The following DIRAS2 variants were observed in gnomAD, a reference collection of about 807,000 sequenced individuals.
DIRAS2 encodes the protein GTP-binding protein Di-Ras2.
DIRAS2 carries 5 observed loss-of-function variants against 13.9 expected under a neutral mutation model. The observed-to-expected ratio is 0.36, with a 90% CI of 0.19 to 0.76. The LOEUF (loss-of-function observed/expected upper bound fraction) is 0.76, where lower values mean the gene tolerates loss of function less well. DIRAS2 is among the 30% of genes least tolerant of loss of function. The probability of loss-of-function intolerance (pLI) is 0.53; values close to 1 mark genes in which losing one functional copy is unlikely to be tolerated. For missense variants in DIRAS2, 191 were observed against 263.0 expected, an observed-to-expected ratio of 0.73 and a Z score of 1.89; for synonymous variants, 111 against 105.4, an observed-to-expected ratio of 1.05 and a Z score of -0.33.
At chr9:90,626,664 C>A (rs1825272629) in intron 1 of DIRAS2, among the ~76,000 whole-genome samples, 1 of 152,120 alleles carries the variant, frequency 6.6e-6, no homozygotes, top group Admixed American at 6.5e-5. Flanking sequence ...AACTGAAACC[C>A]TTGTGCATTG....
At chr9:90,619,886 T>G (rs1350098254) in intron 1 of DIRAS2, among the ~76,000 whole-genome samples, 1 of 152,236 alleles carries the variant, frequency 6.6e-6, no homozygotes, top group Non-Finnish European at 1.5e-5. Flanking sequence ...TGGTACATAC[T>G]GCAACATGGA....
At chr9:90,623,457 A>T (rs1281827140) in intron 1 of DIRAS2, among the ~76,000 whole-genome samples, 1 of 150,390 alleles carries the variant, frequency 6.6e-6, no homozygotes, top group African/African-American at 2.5e-5. Flanking sequence ...AGCTAGAGGA[A>T]GGAAAGGATT....
At chr9:90,636,874 G>A (rs562315306) in intron 1 of DIRAS2, among the ~76,000 whole-genome samples, 3 of 152,100 alleles carry the variant, frequency 2.0e-5, no homozygotes, top group Admixed American at 1.3e-4. Context: ...AAAATATCAC[G>A]TCAAAAATGC....
In DIRAS2 at chr9:90,642,648, A is replaced by T. The variant is rs571856429; in HGVS notation, c.-37+104T>A. On this transcript the variant is annotated intron_variant, in intron 1 of 1. Transcript: ENST00000375765. Reference sequence around the variant, plus strand: ...AGTACACGCTGACTCGCCCTCCCTGAGAGCGGTAATCCCTTTCCAGGGGCT... The same window carrying T: ...AGTACACGCTGACTCGCCCTCCCTGTGAGCGGTAATCCCTTTCCAGGGGCT... 3 of 153,096 alleles carry T rather than the reference A, an allele frequency of 2.0e-5. No homozygotes were observed. In the East Asian group the frequency reaches 5.8e-4, roughly 30 times the overall value. The allele number at this position is 153,096 out of a possible 1,614,324, so 9.5% of individuals were successfully genotyped here.
intron 1 of DIRAS2, among the ~76,000 whole-genome samples, chr9:90,628,886 G>C (rs1053829540): frequency 6.7e-6 from 1 of 148,440 alleles, no homozygotes; most frequent in Non-Finnish European, 1.5e-5. Context: ...ACGGAGTCTC[G>C]TTCTGTCGCC....
rs1189276203 is a variant in DIRAS2, at chr9:90,612,703, G to C, written c.*525C>G. On this transcript the variant is annotated 3_prime_UTR_variant, in exon 2 of 2. Coordinates refer to ENST00000375765, the MANE Select transcript of DIRAS2 (RefSeq NM_017594.5). ...GGAATTAAGAACGGACACCCTTTGG[G>C]GGAGAGGCTGTGTTTTTTAATCCCC... The C allele has an allele frequency of 6.3e-6, 1 of 158,498 alleles. No individual in the cohort carries two copies. Among genetic ancestry groups the C allele is most frequent in the Non-Finnish European group, 1.4e-5 (1 of 71,810 alleles). The allele number at this position is 158,498 out of a possible 1,614,324, so 9.8% of individuals were successfully genotyped here. A position where few individuals can be genotyped will look rare whatever the true frequency, so the allele number is the denominator to read the frequency against.
At position 90,612,014 on chromosome 9, in the gene DIRAS2, T is replaced by G. The variant is rs544991875; in HGVS notation, c.*1214A>C. Reference sequence around the variant, plus strand: ...GTAATTTGGCTTGAAAGATTAAAGATGCACACAAAATCATTAAGAGAAAAA... The same window carrying G: ...GTAATTTGGCTTGAAAGATTAAAGAGGCACACAAAATCATTAAGAGAAAAA... On this transcript the variant is annotated 3_prime_UTR_variant, in exon 2 of 2. Coordinates refer to ENST00000375765, the MANE Select transcript of DIRAS2 (RefSeq NM_017594.5). 2.6e-5 allele frequency: 4 copies of G among 152,330 alleles called. No individual in the cohort carries two copies. Among genetic ancestry groups the G allele is most frequent in the Admixed American group, 2.0e-4 (3 of 15,282 alleles). 9.4% of individuals were successfully genotyped at this position (152,330 alleles called of 1,614,324 possible).
chr9:90,614,590 C>T (rs1013855350), intron 1 of DIRAS2, among the ~76,000 whole-genome samples: 1 of 152,046 alleles, frequency 6.6e-6, no homozygotes, highest in Non-Finnish European at 1.5e-5. Flanking sequence ...CAATGCCCAT[C>T]CCATAAGCTG....
In DIRAS2 at chr9:90,614,905, A is replaced by G. The variant is rs1271736684; in HGVS notation, c.-36-1042T>C. Among the ~76,000 whole-genome samples, 3 of 152,330 alleles carry G rather than the reference A, an allele frequency of 2.0e-5. No homozygotes were observed. In the South Asian group the frequency reaches 6.2e-4, roughly 32 times the overall value. On this transcript the variant is annotated intron_variant, in intron 1 of 1. Transcript: ENST00000375765. ...ATGTGTAGATGTGCCTTCTTAATTT[A>G]CAATCTATCAAAATTTTTTCATTCT...
Position 90,613,459 on chromosome 9 carries a change from A to C in DIRAS2, c.369T>G (p.Cys123Trp). 6.2e-7 allele frequency: 1 copy of C among 1,613,742 alleles called. No individual in the cohort carries two copies. Among genetic ancestry groups the C allele is most frequent in the Non-Finnish European group, 8.5e-7 (1 of 1,179,958 alleles). Reference protein sequence around the residue: ...SIPIMLVGNKCDESPSREVQS... With the variant: ...SIPIMLVGNKWDESPSREVQS... ...GCACCTCGCGGCTGGGGCTCTCATC[A>C]CACTTGTTCCCCACCAGCATGATGG... Residue 123 changes from cysteine (C) to tryptophan (W), a missense_variant, in exon 2 of 2, where the codon TGT becomes TGG. Transcript: ENST00000375765. The surrounding 1 kb of genome is among the most constrained non-coding windows in gnomAD (Gnocchi z 5.6).
chr9:90,624,920 C>T (rs372372704), intron 1 of DIRAS2, among the ~76,000 whole-genome samples: 3 of 152,186 alleles, frequency 2.0e-5, no homozygotes, highest in East Asian at 3.9e-4. Flanking sequence ...AGCCCCCACA[C>T]CTGGCCGCTT....
intron 1 of DIRAS2, among the ~76,000 whole-genome samples, chr9:90,640,767 G>A (rs1587729077): frequency 6.6e-6 from 1 of 152,248 alleles, no homozygotes; most frequent in East Asian, 1.9e-4. Context: ...ACAGCTGGCA[G>A]GCAACCACTC....
At position 90,631,984 on chromosome 9, in the gene DIRAS2, C is replaced by T. The variant is rs540330129; in HGVS notation, c.-37+10768G>A. Among the ~76,000 whole-genome samples the T allele has an allele frequency of 2.8e-4, 42 of 152,332 alleles. No individual in the cohort carries two copies. The South Asian group carries it at 8.1e-3, about 29-fold the overall frequency. On this transcript the variant is annotated intron_variant, in intron 1 of 1. Coordinates refer to ENST00000375765, the MANE Select transcript of DIRAS2 (RefSeq NM_017594.5). ...CTTGTTCTCTTATACTTCAAGTCCA[C>T]TCCATCAGCAACATTTGTCAGTGAT...
rs1825141709 is a variant in DIRAS2, at chr9:90,613,937, T to A, written c.-36-74A>T. 2 of 1,331,024 alleles carry A rather than the reference T, an allele frequency of 1.5e-6. No homozygotes were observed. Among genetic ancestry groups the A allele is most frequent in the East Asian group, 2.6e-5 (1 of 38,844 alleles). The allele number at this position is 1,331,024 out of a possible 1,614,324, so 82.5% of individuals were successfully genotyped here. A position where few individuals can be genotyped will look rare whatever the true frequency, so the allele number is the denominator to read the frequency against. Reference sequence around the variant, plus strand: ...AACATTAATAAGGATAGCTCTACCCTCTTTTGATAGCTTAAAAATGGGAGG... The same window carrying A: ...AACATTAATAAGGATAGCTCTACCCACTTTTGATAGCTTAAAAATGGGAGG... On this transcript the variant is annotated intron_variant, in intron 1 of 1. Transcript: ENST00000375765. The surrounding 1 kb of genome is among the most constrained non-coding windows in gnomAD (Gnocchi z 5.6).
At chr9:90,627,824 A>G (rs1227246850) in intron 1 of DIRAS2, among the ~76,000 whole-genome samples, 1 of 152,134 alleles carries the variant, frequency 6.6e-6, no homozygotes, top group Non-Finnish European at 1.5e-5. Context: ...GCTCCTCCTT[A>G]TTCATCCACA....
intron 1 of DIRAS2, among the ~76,000 whole-genome samples, chr9:90,633,226 A>C (rs1825342784): frequency 6.6e-6 from 1 of 152,208 alleles, no homozygotes; most frequent in Non-Finnish European, 1.5e-5. Context: ...AGCTTGGGCT[A>C]AGGTGAGAGC....
Position 90,612,228 on chromosome 9 carries a change from T to G in DIRAS2, c.*1000A>C, listed in dbSNP as rs1255738081. ...TTTCATTAAGGTGCAAAGTGTGGCA[T>G]ATACATGTTTGTGACACTACAAAAA... is the stretch of plus-strand genomic sequence containing the variant. On this transcript the variant is annotated 3_prime_UTR_variant, in exon 2 of 2. Transcript: ENST00000375765. The G allele has an allele frequency of 6.5e-6, 1 of 152,676 alleles. No homozygotes were observed. The highest frequency in any genetic ancestry group is 1.9e-4 in the East Asian group (1 of 5,196). The allele number at this position is 152,676 out of a possible 1,614,324, so 9.5% of individuals were successfully genotyped here. A position where few individuals can be genotyped will look rare whatever the true frequency, so the allele number is the denominator to read the frequency against.
chr9:90,641,907 T>A (rs1212236508), intron 1 of DIRAS2, among the ~76,000 whole-genome samples: 1 of 152,250 alleles, frequency 6.6e-6, no homozygotes, highest in Non-Finnish European at 1.5e-5. Flanking sequence ...GAAGGCAAGC[T>A]GTGTCTCTGC....
intron 1 of DIRAS2, among the ~76,000 whole-genome samples, chr9:90,634,957 G>C (rs1825357719): frequency 6.6e-6 from 1 of 152,206 alleles, no homozygotes; most frequent in Non-Finnish European, 1.5e-5. Context: ...TACCTAGCTA[G>C]AATCCAGAGG....
Sources: gnomAD v4.1 joint callset for allele counts (sites outside exome capture counted in the v4.1 genomes callset) on GRCh38, gnomAD v4.1.1 for gene constraint, Gnocchi (gnomAD v3.1) non-coding constraint, MANE v1.5 for transcripts, NCBI Gene and HGNC (gene_info 2026-07-23, HGNC 2026-07-21) for gene names.